The following AFDN variants were observed in gnomAD, a reference collection of about 807,000 sequenced individuals.
AFDN encodes the protein afadin, adherens junction formation factor, also known as afadin.
A neutral mutation model predicts 216.6 loss-of-function variants in AFDN; 68 were observed. The ratio of observed to expected loss-of-function variants is 0.31; its 90% CI spans 0.26 to 0.38. AFDN has a LOEUF of 0.38. Ranked by LOEUF, AFDN falls within the 10% of genes least tolerant of loss-of-function variation. The pLI, the probability that AFDN is intolerant of heterozygous loss-of-function variation, is 1.00. For missense variants in AFDN, 2,136 were observed against 2,342.0 expected, an observed-to-expected ratio of 0.91 and a Z score of 1.82; for synonymous variants, 868 against 853.7, an observed-to-expected ratio of 1.02 and a Z score of -0.29.
At chr6:167,924,961 C>T in intron 22 of AFDN, 44 bp from the exon 23 acceptor site, 1 of 1,381,540 alleles carries the variant, frequency 7.2e-7, no homozygotes. Context: ...TACAGAAGCA[C>T]TTCCATTTCA....
In AFDN at chr6:167,864,474, C is replaced by T. The variant is rs1783952059; in HGVS notation, c.106-77C>T. Reference sequence around the variant, plus strand: ...ATTTTTTAAAAAAGTGAACAGACTTCCTCATTTATTATTACAAAAAGTGAA... The same window carrying T: ...ATTTTTTAAAAAAGTGAACAGACTTTCTCATTTATTATTACAAAAAGTGAA... On this transcript the variant is annotated intron_variant, in intron 1 of 33. Coordinates refer to ENST00000683244, the MANE Select transcript of AFDN (RefSeq NM_001386888.1). 19 of 1,332,128 alleles carry T rather than the reference C, an allele frequency of 1.4e-5. No homozygotes were observed. In the South Asian group the frequency reaches 2.1e-4, roughly 15 times the overall value. The allele number at this position is 1,332,128 out of a possible 1,614,324, so 82.5% of individuals were successfully genotyped here.
chr6:167,927,150 C>A (rs1792653724), intron 23 of AFDN, among the ~76,000 whole-genome samples: 1 of 152,012 alleles, frequency 6.6e-6, no homozygotes, highest in Admixed American at 6.5e-5. Flanking sequence ...TAAAACTTTA[C>A]CTTTGTGTAT....
rs1190349377 is a variant in AFDN, at chr6:167,890,897, G to A, written c.1045G>A (p.Asp349Asn). ...LVFQLKRRPP[D>N]HIPKKTKKHL... ...CTTTCAGTTGAAGAGGAGGCCACCA[G>A]ACCACATCCCAAAGAAAACCAAGAA... is the stretch of plus-strand genomic sequence containing the variant. Residue 349 changes from aspartate (D) to asparagine (N), a missense_variant, in exon 8 of 34, where the codon GAC (aspartate) becomes AAC (asparagine). Coordinates refer to ENST00000683244, the MANE Select transcript of AFDN (RefSeq NM_001386888.1). 1 of 1,613,708 alleles carries A rather than the reference G, an allele frequency of 6.2e-7. No individual in the cohort carries two copies. Among genetic ancestry groups the A allele is most frequent in the South Asian group, 1.1e-5 (1 of 90,984 alleles).
intron 12 of AFDN, among the ~76,000 whole-genome samples, chr6:167,906,665 T>C (rs1281961352): frequency 1.3e-5 from 2 of 152,330 alleles, no homozygotes; most frequent in Middle Eastern, 3.4e-3. Flanking sequence ...CCATATAATA[T>C]GTGTTTTCCC....
At chr6:167,835,903 G>A (rs541989916) in intron 1 of AFDN, among the ~76,000 whole-genome samples, 19 of 152,180 alleles carry the variant, frequency 1.2e-4, no homozygotes, top group African/African-American at 4.3e-4. Context: ...AAATATGTGT[G>A]TTCTAAGGTA....
chr6:167,948,111 T>A (rs1380538927), intron 28 of AFDN, 167 bp downstream of exon 28: 4 of 758,968 alleles, frequency 5.3e-6, no homozygotes, highest in Non-Finnish European at 8.3e-6. Context: ...GTCAGGTAAA[T>A]CAGTTTTAAA....
intron 24 of AFDN, 104 bp downstream of exon 24, chr6:167,943,298 T>C (rs749269153): frequency 3.5e-6 from 5 of 1,417,924 alleles, no homozygotes; most frequent in East Asian, 2.3e-5. Context: ...CTATAGTGCT[T>C]GTTGGAAGAA....
chr6:167,833,780 C>G (rs897363101), intron 1 of AFDN, among the ~76,000 whole-genome samples: 14 of 152,144 alleles, frequency 9.2e-5, no homozygotes, highest in African/African-American at 3.1e-4. Context: ...AATATGGTCA[C>G]TCTCAGACAC....
chr6:167,957,154 C>T (rs1796602472), intron 30 of AFDN, among the ~76,000 whole-genome samples: 1 of 151,144 alleles, frequency 6.6e-6, no homozygotes, highest in Non-Finnish European at 1.5e-5. Context: ...CTCTCAGATG[C>T]CACCTTTCTG....
Position 167,969,889 on chromosome 6 carries a change from C to T in AFDN, c.5450C>T (p.Ala1817Val). The part of the protein sequence containing the change: ...QGQDVSNKVK[A>V]SRKLTELENE... ...CAAGATGTATCCAATAAAGTGAAAGCTTCTCGTAAATTAACAGAACTGGAG... is the reference window on the plus strand; with the variant it reads ...CAAGATGTATCCAATAAAGTGAAAGTTTCTCGTAAATTAACAGAACTGGAG... Residue 1817 changes from alanine to valine, a missense_variant, in exon 34 of 34, where the codon GCT (alanine) becomes GTT (valine). Transcript: ENST00000683244. The T allele has an allele frequency of 6.2e-7, 1 of 1,612,194 alleles. No individual in the cohort carries two copies. The highest frequency in any genetic ancestry group is 2.2e-5 in the East Asian group (1 of 44,862).
intron 30 of AFDN, 99 bp downstream of exon 30, chr6:167,952,286 A>T (rs922008628): frequency 6.3e-7 from 1 of 1,586,944 alleles, no homozygotes; most frequent in South Asian, 1.2e-5. Context: ...CGTGATAAGG[A>T]TTAAAAGGGC....
rs140334707 is a variant in AFDN, at chr6:167,895,454, C to T, written c.1223-1424C>T. Among the ~76,000 whole-genome samples, 467 of 152,148 alleles carry T rather than the reference C, an allele frequency of 3.1e-3. 5 individuals carry two copies. Among genetic ancestry groups the T allele is most frequent in the Middle Eastern group, 0.014 (4 of 294 alleles). Reference sequence around the variant, plus strand: ...AGAGTTGAAAATAAATGTTTCAACACGATGTGAAGCAGCACAGATGATGAA... The same window carrying T: ...AGAGTTGAAAATAAATGTTTCAACATGATGTGAAGCAGCACAGATGATGAA... On this transcript the variant is annotated intron_variant, in intron 9 of 33. Coordinates refer to ENST00000683244, the MANE Select transcript of AFDN (RefSeq NM_001386888.1).
chr6:167,957,949 A>G (rs1362279388), intron 30 of AFDN, among the ~76,000 whole-genome samples: 1 of 152,238 alleles, frequency 6.6e-6, no homozygotes, highest in Non-Finnish European at 1.5e-5. Context: ...TTGACCCAGT[A>G]TCACACAGAG....
intron 25 of AFDN, 134 bp downstream of exon 25, chr6:167,943,609 A>T: frequency 1.5e-6 from 1 of 666,980 alleles, no homozygotes; most frequent in Non-Finnish European, 2.6e-6. Context: ...AGTGTACGTG[A>T]CATTTCACTT....
Position 167,969,179 on chromosome 6 carries a change from A to AAAG in AFDN, c.5325_5327dup (p.Glu1776dup), listed in dbSNP as rs1208327571. 6.2e-7 allele frequency: 1 copy of AAAG among 1,613,762 alleles called. No individual in the cohort carries two copies. The highest frequency in any genetic ancestry group is 1.3e-5 in the African/African-American group (1 of 74,892). On this transcript the variant is annotated inframe_insertion, in exon 33 of 34. Coordinates refer to ENST00000683244, the MANE Select transcript of AFDN (RefSeq NM_001386888.1). ...AGCCCATGACGCCTGTCGGGATGCA[A>AAAG]AAGAGAAGCGCTCTAAAAGGTATGG...
At chr6:167,946,469 T>G (rs1795278909) in intron 26 of AFDN, among the ~76,000 whole-genome samples, 1 of 152,176 alleles carries the variant, frequency 6.6e-6, no homozygotes, top group Non-Finnish European at 1.5e-5. Flanking sequence ...AATAGTGAAG[T>G]TTCAGTTAAT....
At chr6:167,914,355 T>G (rs1441576829) in intron 17 of AFDN, 42 bp downstream of exon 17, 7 of 1,590,676 alleles carry the variant, frequency 4.4e-6, no homozygotes, top group African/African-American at 1.3e-5. Flanking sequence ...TCTAAATAAT[T>G]AAGTCATTTG....
intron 15 of AFDN, 105 bp downstream of exon 15, chr6:167,911,594 T>G (rs2128456676): frequency 9.7e-7 from 1 of 1,027,444 alleles, no homozygotes; most frequent in Non-Finnish European, 1.5e-6. Flanking sequence ...ACAAGATTTT[T>G]TTCTAAAATA....
chr6:167,923,687 C>T (rs1049921360), intron 22 of AFDN, among the ~76,000 whole-genome samples: 3 of 146,026 alleles, frequency 2.1e-5, no homozygotes, highest in Non-Finnish European at 4.5e-5. Context: ...TGCAGTGGCG[C>T]GATTTGGCTT....
Sources: allele counts gnomAD v4.1 joint callset (sites outside exome capture counted in the v4.1 genomes callset), GRCh38; gene constraint gnomAD v4.1.1; transcripts MANE v1.5; gene names NCBI Gene and HGNC (gene_info 2026-07-23, HGNC 2026-07-21).